NEDD9: variants seen among roughly 807,000 people sequenced by gnomAD.
The protein encoded by NEDD9 is neural precursor cell expressed, developmentally down-regulated 9.
NEDD9 carries 26 observed loss-of-function variants against 76.6 expected under a neutral mutation model. The ratio of observed to expected loss-of-function variants is 0.34; its 90% CI spans 0.25 to 0.47. The LOEUF (loss-of-function observed/expected upper bound fraction) is 0.47. Ranked by LOEUF, NEDD9 falls within the 20% of genes least tolerant of loss-of-function variation. The pLI is 1.00. For missense variants in NEDD9, 937 were observed against 1,058.5 expected, an observed-to-expected ratio of 0.89 and a Z score of 1.59; for synonymous variants, 392 against 414.2, an observed-to-expected ratio of 0.95 and a Z score of 0.65.
At chr6:11,245,823 AT>A (rs1759795547) in intron 3 of NEDD9, among the ~76,000 whole-genome samples, 1 of 152,180 alleles carries the variant, frequency 6.6e-6, no homozygotes, top group Non-Finnish European at 1.5e-5. Flanking sequence ...GGTTAGAAAG[AT>A]TATGGACCTT....
chr6:11,211,509 G>A (rs1758788252), intron 2 of NEDD9, among the ~76,000 whole-genome samples: 1 of 152,194 alleles, frequency 6.6e-6, no homozygotes, highest in Non-Finnish European at 1.5e-5. Flanking sequence ...CTATTTTTAA[G>A]GTGCAAACAA....
At chr6:11,191,873 C>T (rs115674360) in intron 4 of NEDD9, among the ~76,000 whole-genome samples, 2,087 of 152,142 alleles carry the variant, frequency 0.014, 49 homozygotes, top group African/African-American at 0.048. Context: ...GTCATGGTGG[C>T]GTGCACCTGT....
intron 1 of NEDD9, among the ~76,000 whole-genome samples, chr6:11,368,590 T>C (rs1762808362): frequency 6.6e-6 from 1 of 152,196 alleles, no homozygotes; most frequent in Non-Finnish European, 1.5e-5. Flanking sequence ...GTCTACAGAA[T>C]AATAAAGGAA....
chr6:11,293,915 C>G (rs867027738), intron 3 of NEDD9, among the ~76,000 whole-genome samples: 34 of 152,262 alleles, frequency 2.2e-4, no homozygotes, highest in African/African-American at 8.2e-4. Flanking sequence ...TGGCTTATTT[C>G]ACTCAGCATA....
intron 3 of NEDD9, among the ~76,000 whole-genome samples, chr6:11,303,772 A>G (rs1016214754): frequency 3.3e-5 from 5 of 152,224 alleles, no homozygotes; most frequent in South Asian, 2.1e-4. Context: ...GAAAGCTGAA[A>G]CTGGATCCCT....
chr6:11,335,238 C>T lies in NEDD9; in HGVS notation c.-213-677G>A, dbSNP rs182545899. 1.9e-3 allele frequency among the ~76,000 whole-genome samples: 286 copies of T among 152,250 alleles called. 4 individuals are homozygous for T. The highest frequency in any genetic ancestry group is 6.3e-3 in the African/African-American group (263 of 41,544). ...ATGAAAAGTGGATTTTATACAACAA[C>T]GAGTGACGACCAGGTGAGTGGTTGG... On this transcript the variant is annotated intron_variant, in intron 1 of 3. Coordinates refer to the NEDD9 transcript ENST00000397378.
chr6:11,299,375 C>T (rs1421960670), intron 3 of NEDD9, among the ~76,000 whole-genome samples: 3 of 152,218 alleles, frequency 2.0e-5, no homozygotes, highest in Non-Finnish European at 4.4e-5. Context: ...CAGAGCCCAC[C>T]ACAGCTCAGT....
chr6:11,331,987 G>A (rs1330104481), intron 2 of NEDD9, among the ~76,000 whole-genome samples: 3 of 152,186 alleles, frequency 2.0e-5, no homozygotes, highest in Non-Finnish European at 4.4e-5. Context: ...TGCAATGGCT[G>A]ATTATTGGGT....
intron 1 of NEDD9, among the ~76,000 whole-genome samples, chr6:11,373,409 T>C (rs1482576416): frequency 6.6e-6 from 1 of 152,224 alleles, no homozygotes. Context: ...TGTTCCTCTT[T>C]TCACTATACC....
Position 11,213,465 on chromosome 6 carries a change from T to A in NEDD9, c.275A>T (p.Tyr92Phe), listed in dbSNP as rs1581960484. 6.2e-7 allele frequency: 1 copy of A among 1,614,136 alleles called. No individual in the cohort carries two copies. Among genetic ancestry groups the A allele is most frequent in the Non-Finnish European group, 8.5e-7 (1 of 1,180,024 alleles). The change falls in exon 2 of 7, where the codon TAT becomes TTT. Residue 92 changes from tyrosine (Y) to phenylalanine (F), a missense_variant. Tyr to Phe is a conservative substitution (Grantham distance 22). Coordinates refer to ENST00000379446, the MANE Select transcript of NEDD9 (RefSeq NM_006403.4). This position sits in a 1 kb window ranked among gnomAD's most constrained non-coding sequence, Gnocchi z 5.4. ...AGCAGCCTGTGGGTTTGGCACTTGATAGAGCTTCTGTTGGCCAAAGGTCTG... is the reference window on the plus strand; with the variant it reads ...AGCAGCCTGTGGGTTTGGCACTTGAAAGAGCTTCTGTTGGCCAAAGGTCTG... ...MQQTFGQQKLYQVPNPQAAPR... is the reference protein window; with the variant it reads ...MQQTFGQQKLFQVPNPQAAPR...
chr6:11,330,203 T>C (rs1484255928), intron 2 of NEDD9, among the ~76,000 whole-genome samples: 1 of 152,236 alleles, frequency 6.6e-6, no homozygotes, highest in Non-Finnish European at 1.5e-5. Flanking sequence ...TGAGATCACC[T>C]GCCCCCTAGT....
chr6:11,234,998 C>T (rs569638555), upstream of NEDD9, among the ~76,000 whole-genome samples: 143 of 152,294 alleles, frequency 9.4e-4, no homozygotes, highest in African/African-American at 3.4e-3. Context: ...AGGCGTGGGC[C>T]ACTGTGCCTG....
chr6:11,268,013 A>G (rs1331669669), intron 3 of NEDD9, among the ~76,000 whole-genome samples: 1 of 152,092 alleles, frequency 6.6e-6, no homozygotes, highest in Non-Finnish European at 1.5e-5. Context: ...GAGTCAAGGT[A>G]AAAACGGCAT....
intron 3 of NEDD9, among the ~76,000 whole-genome samples, chr6:11,299,082 T>C (rs1011214947): frequency 2.0e-5 from 3 of 152,180 alleles, no homozygotes; most frequent in Admixed American, 6.5e-5. Flanking sequence ...TTCCCTTTCC[T>C]AGCCAAGGGA....
intron 6 of NEDD9, among the ~76,000 whole-genome samples, chr6:11,187,178 G>A (rs1188256832): frequency 6.6e-6 from 1 of 152,156 alleles, no homozygotes; most frequent in Non-Finnish European, 1.5e-5. Context: ...GAAGCTCGGG[G>A]AGGTTACCTG....
At chr6:11,346,483 C>CA (rs553798124) in intron 1 of NEDD9, among the ~76,000 whole-genome samples, 14 of 151,500 alleles carry the variant, frequency 9.2e-5, no homozygotes, top group South Asian at 6.3e-4. Flanking sequence ...GGAGGCCCCC[C>CA]CCCCCGAGGT....
chr6:11,364,710 G>A (rs1486607199), intron 1 of NEDD9, among the ~76,000 whole-genome samples: 4 of 152,114 alleles, frequency 2.6e-5, no homozygotes, highest in Non-Finnish European at 4.4e-5. Flanking sequence ...TTACTCTACT[G>A]TATTAGGATG....
At chr6:11,369,981 C>T (rs1762833416) in intron 1 of NEDD9, among the ~76,000 whole-genome samples, 1 of 152,168 alleles carries the variant, frequency 6.6e-6, no homozygotes, top group Admixed American at 6.5e-5. Flanking sequence ...GGCCAAGTGG[C>T]TCTTCTGTGC....
intron 3 of NEDD9, among the ~76,000 whole-genome samples, chr6:11,240,287 G>A (rs1442835170): frequency 2.0e-5 from 3 of 152,090 alleles, no homozygotes; most frequent in African/African-American, 7.2e-5. Context: ...GTGAAGACTT[G>A]ACGAGGACCT....
Sources: allele counts gnomAD v4.1 joint callset (sites outside exome capture counted in the v4.1 genomes callset), GRCh38; gene constraint gnomAD v4.1.1; non-coding constraint Gnocchi (gnomAD v3.1); transcripts MANE v1.5; gene names NCBI Gene and HGNC (gene_info 2026-07-23, HGNC 2026-07-21).